Variants in STK31 observed in about 807,000 individuals in gnomAD.
STK31 encodes the protein serine/threonine kinase 31.
STK31 carries 89 observed loss-of-function variants against 129.7 expected under a neutral mutation model. That is an observed-to-expected ratio of 0.69 (90% CI 0.58 to 0.82). The LOEUF (loss-of-function observed/expected upper bound fraction) is 0.82. Ranked by LOEUF, STK31 falls within the 40% of genes least tolerant of loss-of-function variation. STK31 has a pLI of 0.00. For synonymous variants in STK31, 448 were observed against 395.3 expected, an observed-to-expected ratio of 1.13 and a Z score of -1.58; for missense variants, 1,187 against 1,176.4, an observed-to-expected ratio of 1.01 and a Z score of -0.13.
chr7:23,787,038 T>G, intron 20 of STK31, 114 bp downstream of exon 20: 1 of 988,572 alleles, frequency 1.0e-6, no homozygotes, highest in Non-Finnish European at 1.5e-6. Context: ...ACTCATGGTA[T>G]TCTATTTGTC....
At chr7:23,747,612 C>T (rs1445518745) in intron 8 of STK31, among the ~76,000 whole-genome samples, 1 of 152,174 alleles carries the variant, frequency 6.6e-6, no homozygotes, top group African/African-American at 2.4e-5. Flanking sequence ...TCGTGATCCA[C>T]CCGCCTCGGC....
chr7:23,812,197 A>G (rs1346481112), intron 22 of STK31, among the ~76,000 whole-genome samples: 1 of 152,132 alleles, frequency 6.6e-6, no homozygotes, highest in Non-Finnish European at 1.5e-5. Flanking sequence ...TTACTGATGG[A>G]TAGTTTTACT....
chr7:23,727,657 G>C, intron 5 of STK31: 1 of 195,786 alleles, frequency 5.1e-6, no homozygotes, highest in South Asian at 8.2e-5. Flanking sequence ...CTGCCTCCTA[G>C]GTTCAAGCTA....
At chr7:23,723,208 T>G (rs1292199355) in intron 4 of STK31, among the ~76,000 whole-genome samples, 2 of 152,204 alleles carry the variant, frequency 1.3e-5, no homozygotes, top group African/African-American at 4.8e-5. Context: ...AACCTCTCTC[T>G]CCTCTTTTCT....
At chr7:23,830,391 ACTTCT>A (rs912386277) in intron 23 of STK31, among the ~76,000 whole-genome samples, 52 of 151,862 alleles carry the variant, frequency 3.4e-4, no homozygotes, top group African/African-American at 1.2e-3. Context: ...ATTGCTATAA[ACTTCT>A]CTTTTCTCAC....
chr7:23,741,658 C>G (rs1788063025), intron 8 of STK31, among the ~76,000 whole-genome samples: 1 of 152,162 alleles, frequency 6.6e-6, no homozygotes, highest in Non-Finnish European at 1.5e-5. Flanking sequence ...CTACTGCTGC[C>G]AGGCATCAAA....
At chr7:23,786,736 C>T (rs1458091965) in intron 19 of STK31, 102 bp from the exon 20 acceptor site, 1 of 1,540,340 alleles carries the variant, frequency 6.5e-7, no homozygotes, top group African/African-American at 1.4e-5. Flanking sequence ...GCAGTTCATT[C>T]CCCTTAACAT....
intron 4 of STK31, among the ~76,000 whole-genome samples, chr7:23,718,495 G>A (rs991484771): frequency 6.6e-6 from 1 of 152,038 alleles, no homozygotes; most frequent in African/African-American, 2.4e-5. Context: ...CCCCTTCTCA[G>A]TCAATTCTTA....
intron 23 of STK31, among the ~76,000 whole-genome samples, chr7:23,818,582 T>C (rs560190247): frequency 4.7e-5 from 7 of 150,412 alleles, no homozygotes; most frequent in Admixed American, 2.6e-4. Context: ...TTAATACTTA[T>C]AGGGCTAGTT....
rs1348101397 is a variant in STK31 at position 23,721,738 on chromosome 7, C to T, written c.249+4159C>T. The T allele has an allele frequency of 6.7e-6, 5 of 749,330 alleles. No individual in the cohort carries two copies. The African/African-American group carries it at 8.6e-5, about 13-fold the overall frequency. The allele number at this position is 749,330 out of a possible 1,614,324, so 46.4% of individuals were successfully genotyped here. A position where few individuals can be genotyped will look rare whatever the true frequency, so the allele number is the denominator to read the frequency against. On this transcript the variant is annotated intron_variant, in intron 4 of 23. Coordinates refer to ENST00000355870, the MANE Select transcript of STK31 (RefSeq NM_031414.5). The stretch of plus-strand genomic sequence containing the variant: ...TTGGCTGCACAAGTGGAGCAAATGA[C>T]ACAATAAGGATATTTTTCCTTTCCC...
intron 23 of STK31, among the ~76,000 whole-genome samples, chr7:23,816,537 T>C (rs1048217834): frequency 6.6e-6 from 1 of 152,238 alleles, no homozygotes; most frequent in African/African-American, 2.4e-5. Context: ...CGATTGGAGA[T>C]GAATATGCCT....
rs370574044 is a variant in STK31 at position 23,715,794 on chromosome 7, T to A, written c.151-1687T>A. Among the ~76,000 whole-genome samples, 28 of 152,296 alleles carry A rather than the reference T, an allele frequency of 1.8e-4. No homozygotes were observed. In the East Asian group the frequency reaches 5.4e-3, roughly 29 times the overall value. The stretch of plus-strand genomic sequence containing the variant: ...CTCTTTCAGAGTTTTTTTTCAGTCA[T>A]CACGGATAATCATGTTCTTTCTAGC... On this transcript the variant is annotated intron_variant, in intron 3 of 23. Transcript: ENST00000355870.
intron 8 of STK31, among the ~76,000 whole-genome samples, chr7:23,741,995 A>G (rs1288036474): frequency 6.6e-6 from 1 of 152,208 alleles, no homozygotes. Context: ...ACCCTGGTGA[A>G]CAGCATGGGC....
In STK31 at chr7:23,768,979, G is replaced by A; in HGVS notation, c.1417-16G>A. 6.4e-7 allele frequency: 1 copy of A among 1,566,812 alleles called. No homozygotes were observed. Among genetic ancestry groups the A allele is most frequent in the East Asian group, 2.3e-5 (1 of 44,104 alleles). ...AGTTAATAAACTTTAATAAACAGAA[G>A]TATATCTCTCTGCAGGATTTGTCAG... On this transcript the variant is annotated splice_polypyrimidine_tract_variant and intron_variant, in intron 11 of 23. Transcript: ENST00000355870.
At chr7:23,727,707 C>T (rs1176652593) in intron 5 of STK31, 3 of 177,614 alleles carry the variant, frequency 1.7e-5, no homozygotes, top group South Asian at 1.3e-4. Flanking sequence ...GGATTACAGG[C>T]GCCCACCAAC....
At chr7:23,785,365 C>T (rs1396112848) in intron 17 of STK31, 113 bp from the exon 18 acceptor site, 6 of 1,416,802 alleles carry the variant, frequency 4.2e-6, no homozygotes, top group South Asian at 1.5e-5. Context: ...TTGGTTTTTC[C>T]AGTACAGTTG....
chr7:23,730,872 A>AT (rs1455690740), intron 6 of STK31, among the ~76,000 whole-genome samples: 5,886 of 54,152 alleles, frequency 0.11, 263 homozygotes, highest in Non-Finnish European at 0.16. Context: ...ATATATATAT[A>AT]TATATATTTT....
chr7:23,756,405 A>T (rs534258022), intron 10 of STK31, among the ~76,000 whole-genome samples: 2 of 152,130 alleles, frequency 1.3e-5, no homozygotes, highest in Non-Finnish European at 2.9e-5. Flanking sequence ...GGGTGAGACG[A>T]TGGGGATTTC....
intron 8 of STK31, among the ~76,000 whole-genome samples, chr7:23,743,071 G>A (rs1346110509): frequency 1.3e-5 from 2 of 151,134 alleles, no homozygotes; most frequent in East Asian, 3.9e-4. Flanking sequence ...TCCTACTTCA[G>A]CCCCCTGAGT....
Sources: allele counts gnomAD v4.1 joint callset (sites outside exome capture counted in the v4.1 genomes callset), GRCh38; gene constraint gnomAD v4.1.1; transcripts MANE v1.5; gene names NCBI Gene and HGNC (gene_info 2026-07-23, HGNC 2026-07-21).